Variants in IMPG1 observed in about 807,000 individuals in gnomAD.
IMPG1 encodes interphotoreceptor matrix proteoglycan 1.
In IMPG1, 85 loss-of-function variants were observed where a neutral mutation model predicts 92.0. That is an observed-to-expected ratio of 0.92 (90% CI 0.78 to 1.11). The LOEUF is 1.11. Among genes scored for constraint, IMPG1 ranks in the 50% least tolerant of loss-of-function variants. The pLI is 0.00. For synonymous variants in IMPG1, 367 were observed against 334.1 expected, an observed-to-expected ratio of 1.10 and a Z score of -1.08; for missense variants, 1,022 against 956.0, an observed-to-expected ratio of 1.07 and a Z score of -0.91.
chr6:76,012,173 AT>A (rs1251281088), intron 7 of IMPG1, among the ~76,000 whole-genome samples: 1 of 152,150 alleles, frequency 6.6e-6, no homozygotes, highest in Non-Finnish European at 1.5e-5. Context: ...TTCTTAATTA[AT>A]TTGACCTTAC....
chr6:75,947,465 CCCGTTTCTG>C lies in IMPG1; in HGVS notation c.1884_1892del (p.Phe628_Gly631delinsLeu), dbSNP rs746872890. The C allele has an allele frequency of 1.9e-6, 3 of 1,613,662 alleles. No individual in the cohort carries two copies. The African/African-American group carries it at 4.0e-5, about 22-fold the overall frequency. ...TCATTTTGCTATTCACAATCACACT[CCCGTTTCTG>C]AAGTTAAGTATTTCAAGTTGCTTAA... On this transcript the variant is annotated inframe_deletion, in exon 14 of 17. Transcript: ENST00000369950.
chr6:76,022,115 C>A lies in IMPG1; in HGVS notation c.666+1G>T, dbSNP rs756323795. The A allele has an allele frequency of 6.5e-7, 1 of 1,536,844 alleles. No homozygotes were observed. Among genetic ancestry groups the A allele is most frequent in the Admixed American group, 1.7e-5 (1 of 59,128 alleles). ...CTAGATCAACTCTAGGAACTTCTTACTGTTGTAGGCATCTTGGTGTCGTTG... is the reference window on the plus strand; with the variant it reads ...CTAGATCAACTCTAGGAACTTCTTAATGTTGTAGGCATCTTGGTGTCGTTG... On this transcript the variant is annotated splice_donor_variant, in intron 6 of 16. Transcript: ENST00000369950. LOFTEE classifies it high-confidence loss of function.
chr6:76,049,321 A>G (rs552969667), intron 1 of IMPG1, among the ~76,000 whole-genome samples: 1 of 152,156 alleles, frequency 6.6e-6, no homozygotes, highest in Non-Finnish European at 1.5e-5. Flanking sequence ...ATGAACCTGC[A>G]AATTTACCCC....
chr6:75,923,057 T>G (rs1427079326), intron 16 of IMPG1, among the ~76,000 whole-genome samples: 1 of 152,142 alleles, frequency 6.6e-6, no homozygotes, highest in Non-Finnish European at 1.5e-5. Context: ...TTTAAAAAAC[T>G]ATGTCAACTA....
rs1304550916 is a variant in IMPG1 at position 76,003,137 on chromosome 6, G to A, written c.1213-141C>T. 4.6e-6 allele frequency: 3 copies of A among 647,224 alleles called. No homozygotes were observed. The Admixed American group carries it at 6.8e-5, about 15-fold the overall frequency. 40.1% of individuals were successfully genotyped at this position (647,224 alleles called of 1,614,324 possible). The stretch of plus-strand genomic sequence containing the variant: ...TGACTTGAATCTACTATGGAGGAAG[G>A]TTCTGATATAGAAATATGTTCTAAA... On this transcript the variant is annotated intron_variant, in intron 11 of 16. Transcript: ENST00000369950.
intron 12 of IMPG1, among the ~76,000 whole-genome samples, chr6:76,002,469 A>G (rs1783010315): frequency 6.6e-6 from 1 of 152,368 alleles, no homozygotes; most frequent in African/African-American, 2.4e-5. Flanking sequence ...GCCTGTATCC[A>G]TAGTCAGCAT....
Position 76,046,706 on chromosome 6 carries a change from C to T in IMPG1, c.68-4580G>A, listed in dbSNP as rs77874263. Among the ~76,000 whole-genome samples, 1,018 of 152,206 alleles carry T rather than the reference C, an allele frequency of 6.7e-3. 34 individuals carry two copies. The highest frequency in any genetic ancestry group is 0.064 in the East Asian group (331 of 5,182). On this transcript the variant is annotated intron_variant, in intron 1 of 16. Coordinates refer to ENST00000369950, the MANE Select transcript of IMPG1 (RefSeq NM_001563.4). Reference sequence around the variant, plus strand: ...ATAAAATGGGGAATAATAATACCTCCCTTACAGGGTTTCTGTGATATTAAA... The same window carrying T: ...ATAAAATGGGGAATAATAATACCTCTCTTACAGGGTTTCTGTGATATTAAA...
intron 15 of IMPG1, among the ~76,000 whole-genome samples, chr6:75,924,366 T>C (rs1781483818): frequency 7.5e-6 from 1 of 132,734 alleles, no homozygotes; most frequent in Non-Finnish European, 1.5e-5. Flanking sequence ...GATGAATGGA[T>C]AAATTGTGAT....
chr6:75,944,724 T>A (rs773544192), intron 14 of IMPG1, among the ~76,000 whole-genome samples: 13 of 152,266 alleles, frequency 8.5e-5, no homozygotes. Flanking sequence ...TTTTGCAAAG[T>A]ATCTCCCTTG....
intron 12 of IMPG1, among the ~76,000 whole-genome samples, chr6:75,992,562 C>G (rs1335818197): frequency 6.6e-6 from 1 of 152,162 alleles, no homozygotes; most frequent in Non-Finnish European, 1.5e-5. Context: ...GCCCCCAAAG[C>G]TTCACACCAA....
chr6:75,929,755 A>T (rs952494975), intron 15 of IMPG1, among the ~76,000 whole-genome samples: 7 of 143,736 alleles, frequency 4.9e-5, no homozygotes, highest in South Asian at 4.5e-4. Flanking sequence ...AAAGTAAATT[A>T]AAAAAAAAAG....
At chr6:75,924,324 A>C (rs532303590) in intron 15 of IMPG1, among the ~76,000 whole-genome samples, 1 of 143,222 alleles carries the variant, frequency 7.0e-6, no homozygotes, top group African/African-American at 2.6e-5. Flanking sequence ...CATAATACTC[A>C]AGATTTGGAG....
intron 1 of IMPG1, among the ~76,000 whole-genome samples, chr6:76,067,957 C>A (rs566276952): frequency 6.6e-6 from 1 of 152,092 alleles, no homozygotes; most frequent in African/African-American, 2.4e-5. Flanking sequence ...TCTCTTTAGA[C>A]ACAGAAAAAG....
At chr6:75,975,483 A>G (rs1300886596) in intron 12 of IMPG1, among the ~76,000 whole-genome samples, 2 of 152,212 alleles carry the variant, frequency 1.3e-5, no homozygotes, top group Non-Finnish European at 2.9e-5. Context: ...GCAGTTATCT[A>G]ATTTTAGACA....
At chr6:75,966,639 T>G (rs1314541515) in intron 12 of IMPG1, among the ~76,000 whole-genome samples, 2 of 152,094 alleles carry the variant, frequency 1.3e-5, no homozygotes, top group Non-Finnish European at 2.9e-5. Context: ...TAACATAGAA[T>G]GGAATAAAAC....
intron 12 of IMPG1, among the ~76,000 whole-genome samples, chr6:75,992,748 G>T (rs1782833837): frequency 6.6e-6 from 1 of 152,006 alleles, no homozygotes; most frequent in South Asian, 2.1e-4. Context: ...TTATTTCTCA[G>T]CATTCTTCCC....
At chr6:75,949,186 T>C (rs1001907828) in intron 13 of IMPG1, among the ~76,000 whole-genome samples, 2 of 152,112 alleles carry the variant, frequency 1.3e-5, no homozygotes, top group Non-Finnish European at 2.9e-5. Flanking sequence ...CTGGGTAAAA[T>C]GAGGCTGAAA....
At chr6:75,974,113 T>C (rs894210616) in intron 12 of IMPG1, among the ~76,000 whole-genome samples, 31 of 152,168 alleles carry the variant, frequency 2.0e-4, no homozygotes, top group African/African-American at 7.2e-4. Context: ...GACTGTGAAC[T>C]GCAAAGATCA....
At chr6:76,036,755 G>C (rs903609922) in intron 2 of IMPG1, among the ~76,000 whole-genome samples, 1 of 140,962 alleles carries the variant, frequency 7.1e-6, no homozygotes, top group Non-Finnish European at 1.6e-5. Context: ...ATTTGCTCAC[G>C]TATCTGTTAA....
Sources: gnomAD v4.1 joint callset for allele counts (sites outside exome capture counted in the v4.1 genomes callset) on GRCh38, gnomAD v4.1.1 for gene constraint, MANE v1.5 for transcripts, NCBI Gene and HGNC (gene_info 2026-07-23, HGNC 2026-07-21) for gene names.